The following TENM2 variants were observed in gnomAD, a reference collection of about 807,000 sequenced individuals.
TENM2 encodes the protein teneurin transmembrane protein 2.
TENM2 carries 52 observed loss-of-function variants against 245.2 expected under a neutral mutation model. That is an observed-to-expected ratio of 0.21 (90% confidence interval 0.17 to 0.27). The LOEUF (loss-of-function observed/expected upper bound fraction) is 0.27, where lower values mean the gene tolerates loss of function less well. Ranked by LOEUF, TENM2 falls within the 10% of genes least tolerant of loss-of-function variation. TENM2 has a pLI of 1.00. For missense variants in TENM2, 3,046 were observed against 3,666.8 expected (o/e 0.83, Z 4.37); for synonymous variants, 1,363 against 1,438.9 (o/e 0.95, Z 1.19).
chr5:167,170,446 T>G, the TENM2 span, among the ~76,000 whole-genome samples: 4 of 152,176 alleles, frequency 2.6e-5, no homozygotes, highest in African/African-American at 9.7e-5. Context: ...GTATAAACTC[T>G]CTGGGATAGT....
chr5:167,515,648 T>TAC (rs1554168372), intron 2 of TENM2, among the ~76,000 whole-genome samples: 1 of 132,650 alleles, frequency 7.5e-6, no homozygotes, highest in Admixed American at 7.5e-5. Flanking sequence ...TGTATATATA[T>TAC]ACACATATAT....
chr5:167,531,962 A>T (rs555597973), intron 2 of TENM2, among the ~76,000 whole-genome samples: 1 of 152,262 alleles, frequency 6.6e-6, no homozygotes, highest in South Asian at 2.1e-4. Flanking sequence ...GGTATAGTGG[A>T]AAAAGAGCAT....
At chr5:168,204,232 C>T (rs767861823) in intron 18 of TENM2, 140 bp from the exon 21 acceptor site, 19 of 911,646 alleles carry the variant, frequency 2.1e-5, no homozygotes, top group East Asian at 2.7e-5. Context: ...CTGCAGCTCT[C>T]TCCACATTGT....
At chr5:167,008,927 C>T in the TENM2 span, among the ~76,000 whole-genome samples, 2 of 152,148 alleles carry the variant, frequency 1.3e-5, no homozygotes, top group East Asian at 3.9e-4. Context: ...CTTTTAGCAT[C>T]GGTCCTGCAG....
chr5:168,162,365 G>A (rs1038604910), intron 12 of TENM2, among the ~76,000 whole-genome samples: 2 of 152,216 alleles, frequency 1.3e-5, no homozygotes, highest in African/African-American at 4.8e-5. Context: ...TGAACTCCCC[G>A]CTTTGGGAAG....
At chr5:168,199,178 G>T (rs952595032) in intron 16 of TENM2, 64 bp downstream of exon 18, 22 of 1,521,870 alleles carry the variant, frequency 1.4e-5, no homozygotes, top group Middle Eastern at 3.5e-4. Flanking sequence ...ACTGGACACT[G>T]CCTCTCCCCG....
At position 168,226,071 on chromosome 5, in the gene TENM2, T is replaced by TATCTA. The variant is rs1764154413; in HGVS notation, c.5109-16_5109-12dup. 6.2e-7 allele frequency: 1 copy of TATCTA among 1,609,020 alleles called. No homozygotes were observed. The highest frequency in any genetic ancestry group is 8.5e-7 in the Non-Finnish European group (1 of 1,178,046). ...TGCTGCTAACCAGGGTTTATCTATC[T>TATCTA]ATCTATCTCCCCCCAGCTATGACCA... On this transcript the variant is annotated splice_polypyrimidine_tract_variant and intron_variant, in intron 23 of 28. Coordinates refer to ENST00000518659, the Ensembl canonical transcript of TENM2.
At chr5:168,149,151 T>C (rs1756407649) in intron 12 of TENM2, among the ~76,000 whole-genome samples, 1 of 152,158 alleles carries the variant, frequency 6.6e-6, no homozygotes, top group Non-Finnish European at 1.5e-5. Context: ...AGGCATTCAT[T>C]TGCTGGAGCT....
intron 25 of TENM2, among the ~76,000 whole-genome samples, chr5:168,238,139 C>T (rs973972685): frequency 3.5e-5 from 4 of 115,912 alleles, no homozygotes; most frequent in Admixed American, 1.1e-4. Context: ...AGTGAGACTC[C>T]ATCTCAAGAA....
At chr5:167,171,661 A>G in the TENM2 span, among the ~76,000 whole-genome samples, 33 of 152,310 alleles carry the variant, frequency 2.2e-4, no homozygotes, top group East Asian at 6.0e-3. Context: ...CTCAATAGGA[A>G]TGTGGCTGGG....
intron 2 of TENM2, among the ~76,000 whole-genome samples, chr5:167,546,599 A>G (rs914447204): frequency 6.6e-6 from 1 of 152,174 alleles, no homozygotes; most frequent in Non-Finnish European, 1.5e-5. Flanking sequence ...ATGTAAACCT[A>G]AATTAGGAAA....
At chr5:167,033,109 T>C in the TENM2 span, among the ~76,000 whole-genome samples, 1 of 152,170 alleles carries the variant, frequency 6.6e-6, no homozygotes, top group African/African-American at 2.4e-5. Context: ...TTTCTCCATG[T>C]CACATCCTGG....
intron 13 of TENM2, among the ~76,000 whole-genome samples, chr5:168,181,293 C>A (rs1340321810): frequency 5.3e-5 from 8 of 152,240 alleles, no homozygotes; most frequent in Admixed American, 5.2e-4. Flanking sequence ...CTGGACAACA[C>A]TATAATCCCC....
rs570965086 is a variant in TENM2, at chr5:167,972,970, C to T, written c.948-19974C>T. 2.6e-5 allele frequency among the ~76,000 whole-genome samples: 4 copies of T among 151,628 alleles called. 1 individual carries two copies. Among genetic ancestry groups the T allele is most frequent in the Admixed American group, 2.0e-4 (3 of 15,252 alleles). ...TTCCCAGACTGTGCTACAGCATGGC[C>T]TACGTGATTCAAAACTCCTAACCTT... On this transcript the variant is annotated intron_variant, in intron 4 of 28. Transcript: ENST00000518659.
chr5:167,598,306 C>G (rs1224853409), intron 2 of TENM2, among the ~76,000 whole-genome samples: 2 of 152,204 alleles, frequency 1.3e-5, no homozygotes, highest in Non-Finnish European at 2.9e-5. Context: ...GCTTTTTACA[C>G]AAGTTCAATT....
intron 27 of TENM2, among the ~76,000 whole-genome samples, chr5:168,253,475 G>T (rs1767334136): frequency 6.7e-6 from 1 of 149,502 alleles, no homozygotes; most frequent in Non-Finnish European, 1.5e-5. Context: ...GCCCAGGCTG[G>T]AGTGCAGTGG....
the TENM2 span, among the ~76,000 whole-genome samples, chr5:167,160,739 G>A: frequency 0.031 from 4,716 of 152,204 alleles, 131 homozygotes; most frequent in Non-Finnish European, 0.048. Flanking sequence ...TTTATTTAAT[G>A]TCTATCTCTT....
At chr5:167,215,344 C>T in the TENM2 span, among the ~76,000 whole-genome samples, 1 of 152,166 alleles carries the variant, frequency 6.6e-6, no homozygotes, top group African/African-American at 2.4e-5. Flanking sequence ...TTTGGTGACT[C>T]TAACGTGCGG....
At chr5:167,598,156 A>T (rs1390429350) in intron 2 of TENM2, among the ~76,000 whole-genome samples, 2 of 152,258 alleles carry the variant, frequency 1.3e-5, no homozygotes, top group African/African-American at 4.8e-5. Flanking sequence ...TACTTTACGT[A>T]CCAGGAGAGC....
Sources: gnomAD v4.1 joint callset for allele counts (sites outside exome capture counted in the v4.1 genomes callset) on GRCh38, gnomAD v4.1.1 for gene constraint, MANE v1.5 for transcripts, NCBI Gene and HGNC (gene_info 2026-07-23, HGNC 2026-07-21) for gene names.